The following MCHR2 variants were observed in gnomAD, a reference collection of about 807,000 sequenced individuals.
The protein encoded by MCHR2 is melanin concentrating hormone receptor 2.
MCHR2 carries 15 observed loss-of-function variants against 24.8 expected under a neutral mutation model. That is an observed-to-expected ratio of 0.60 (90% confidence interval 0.40 to 0.93). MCHR2 has a LOEUF of 0.93. MCHR2 is among the 40% of genes least tolerant of loss of function. The pLI is 0.00. For missense variants in MCHR2, 386 were observed against 408.7 expected (o/e 0.94, Z 0.48); for synonymous variants, 151 against 147.6 (o/e 1.02, Z -0.17).
At chr6:99,957,374 A>G (rs1276699717) in intron 1 of MCHR2, among the ~76,000 whole-genome samples, 2 of 152,082 alleles carry the variant, frequency 1.3e-5, no homozygotes, top group Admixed American at 1.3e-4. Context: ...TTTTCCATCA[A>G]TTGAGAGAGA....
rs529105363 is a variant in MCHR2, at chr6:99,962,917, C to T, written c.-27-6743G>A. Among the ~76,000 whole-genome samples the T allele has an allele frequency of 3.9e-5, 6 of 152,004 alleles. No homozygotes were observed. The East Asian group carries it at 1.2e-3, about 29-fold the overall frequency. On this transcript the variant is annotated intron_variant, in intron 1 of 5. Transcript: ENST00000281806. ...ATTGATAGCAAATAAGCAAATAACT[C>T]GATTTAAAAAATGGGCAAGTAACCT...
chr6:99,971,662 GT>G (rs1203112118), intron 1 of MCHR2, among the ~76,000 whole-genome samples: 1 of 152,066 alleles, frequency 6.6e-6, no homozygotes, highest in Non-Finnish European at 1.5e-5. Context: ...AATGCTTCCA[GT>G]TTTTGCCCAT....
intron 2 of MCHR2, among the ~76,000 whole-genome samples, chr6:99,951,857 C>T (rs921668841): frequency 3.9e-5 from 6 of 152,136 alleles, no homozygotes; most frequent in African/African-American, 1.4e-4. Context: ...CTCGTAACCT[C>T]TGTTTCACGA....
intron 5 of MCHR2, among the ~76,000 whole-genome samples, chr6:99,930,693 C>G (rs1359824521): frequency 2.6e-5 from 4 of 152,174 alleles, no homozygotes; most frequent in African/African-American, 9.7e-5. Flanking sequence ...GCTCCATCAG[C>G]TCCTTTAAGC....
rs1267773151 is a variant in MCHR2 at position 99,947,778 on chromosome 6, C to T, written c.376G>A (p.Val126Ile). The part of the protein sequence containing the change: ...NQFACSAIMT[V>I]MSVDRYFALV... ...TTCACTTACCTGTCCACACTCATTA[C>T]AGTCATGATGGCACTACAGGCAAAT... Residue 126 changes from valine (V) to isoleucine (I), a missense_variant, in exon 3 of 6, where the codon GTA becomes ATA. Coordinates refer to ENST00000281806, the MANE Select transcript of MCHR2 (RefSeq NM_001040179.2). The T allele has an allele frequency of 6.2e-7, 1 of 1,613,516 alleles. No homozygotes were observed. The highest frequency in any genetic ancestry group is 8.5e-7 in the Non-Finnish European group (1 of 1,179,720).
chr6:99,956,554 GT>G (rs1159454313), intron 1 of MCHR2, among the ~76,000 whole-genome samples: 1 of 152,028 alleles, frequency 6.6e-6, no homozygotes, highest in Non-Finnish European at 1.5e-5. Flanking sequence ...TAACACTTAT[GT>G]TGTTAAATAT....
intron 1 of MCHR2, among the ~76,000 whole-genome samples, chr6:99,973,208 G>A (rs924987124): frequency 6.6e-6 from 1 of 151,740 alleles, no homozygotes; most frequent in Non-Finnish European, 1.5e-5. Flanking sequence ...AAGTCTCTTT[G>A]TAGGTCACTC....
intron 1 of MCHR2, among the ~76,000 whole-genome samples, chr6:99,976,659 CTCA>C (rs35502811): frequency 0.77 from 117,118 of 151,756 alleles, 45,700 homozygotes; most frequent in East Asian, 0.99. Flanking sequence ...CCCCAGCTAC[CTCA>C]TGTTTGCCAA....
At chr6:99,974,002 TC>T (rs1235191647) in intron 1 of MCHR2, among the ~76,000 whole-genome samples, 2 of 152,238 alleles carry the variant, frequency 1.3e-5, no homozygotes, top group Non-Finnish European at 2.9e-5. Flanking sequence ...ATTTTTTCCT[TC>T]ATTTCAACTT....
chr6:99,971,149 G>C (rs1402287744), intron 1 of MCHR2, among the ~76,000 whole-genome samples: 1 of 152,066 alleles, frequency 6.6e-6, no homozygotes, highest in African/African-American at 2.4e-5. Flanking sequence ...AAATTATCTT[G>C]GGCAGTATGG....
intron 1 of MCHR2, among the ~76,000 whole-genome samples, chr6:99,959,678 T>C (rs890880445): frequency 2.5e-5 from 3 of 121,710 alleles, no homozygotes; most frequent in Non-Finnish European, 5.5e-5. Context: ...ACCAAACAGA[T>C]TTTGGAGCTG....
chr6:99,972,706 T>C (rs907640329), intron 1 of MCHR2, among the ~76,000 whole-genome samples: 1 of 152,244 alleles, frequency 6.6e-6, no homozygotes, highest in Non-Finnish European at 1.5e-5. Context: ...TTTAGTGCTA[T>C]AAATTTCCCT....
At chr6:99,953,942 A>G (rs1368595032) in intron 2 of MCHR2, among the ~76,000 whole-genome samples, 1 of 152,104 alleles carries the variant, frequency 6.6e-6, no homozygotes, top group African/African-American at 2.4e-5. Flanking sequence ...CTGCAGAGAT[A>G]GCGAAACTGA....
intron 2 of MCHR2, among the ~76,000 whole-genome samples, chr6:99,950,696 G>T (rs1442494511): frequency 6.6e-6 from 1 of 152,080 alleles, no homozygotes; most frequent in Non-Finnish European, 1.5e-5. Flanking sequence ...TAAAAAATTT[G>T]CAGGAACAAT....
intron 1 of MCHR2, among the ~76,000 whole-genome samples, chr6:99,983,676 C>A (rs1348670606): frequency 1.3e-5 from 2 of 152,164 alleles, no homozygotes; most frequent in African/African-American, 2.4e-5. Context: ...TTGCAAATTT[C>A]TTCCTCGAAA....
intron 1 of MCHR2, among the ~76,000 whole-genome samples, chr6:99,992,430 T>C (rs1718153629): frequency 6.6e-6 from 1 of 152,180 alleles, no homozygotes; most frequent in African/African-American, 2.4e-5. Flanking sequence ...ACACTGGACT[T>C]AGCAGTATAC....
At chr6:99,957,048 G>A (rs117398792) in intron 1 of MCHR2, among the ~76,000 whole-genome samples, 328 of 152,074 alleles carry the variant, frequency 2.2e-3, no homozygotes, top group Non-Finnish European at 3.5e-3. Flanking sequence ...GCATTCCCTG[G>A]CTAGGTTTTG....
chr6:99,920,842 A>G lies in MCHR2; in HGVS notation c.*98T>C, dbSNP rs200189437. 4.9e-5 allele frequency: 59 copies of G among 1,203,430 alleles called. 1 individual carries two copies. The South Asian group carries it at 8.3e-4, about 17-fold the overall frequency. 74.5% of individuals were successfully genotyped at this position (1,203,430 alleles called of 1,614,324 possible). On this transcript the variant is annotated 3_prime_UTR_variant, in exon 6 of 6. Coordinates refer to ENST00000281806, the MANE Select transcript of MCHR2 (RefSeq NM_001040179.2). ...TGCTGCTAAGAGTCACAAGTACACA[A>G]GAAGAATGGGCATAAACATATCGGT... is the stretch of plus-strand genomic sequence containing the variant.
rs765681964 is a variant in MCHR2 at position 99,956,183 on chromosome 6, T to C, written c.-27-9A>G. The C allele has an allele frequency of 2.0e-6, 3 of 1,531,866 alleles. No individual in the cohort carries two copies. The highest frequency in any genetic ancestry group is 2.7e-6 in the Non-Finnish European group (3 of 1,125,778). 94.9% of individuals were successfully genotyped at this position (1,531,866 alleles called of 1,614,324 possible). A position where few individuals can be genotyped will look rare whatever the true frequency, so the allele number is the denominator to read the frequency against. ...CTTTCCAGGGATTAAAGCTGTGAAG[T>C]AATAGGAAGTGATTTATTTAGTGAA... On this transcript the variant is annotated splice_polypyrimidine_tract_variant and intron_variant, in intron 1 of 5. Coordinates refer to ENST00000281806, the MANE Select transcript of MCHR2 (RefSeq NM_001040179.2).
Sources: gnomAD v4.1 joint callset for allele counts (sites outside exome capture counted in the v4.1 genomes callset) on GRCh38, gnomAD v4.1.1 for gene constraint, MANE v1.5 for transcripts, NCBI Gene and HGNC (gene_info 2026-07-23, HGNC 2026-07-21) for gene names.